MYO9A: variants seen among roughly 807,000 people sequenced by gnomAD.
MYO9A encodes myosin IXA.
MYO9A carries 103 observed loss-of-function variants against 293.3 expected under a neutral mutation model. The observed-to-expected ratio is 0.35, with a 90% CI of 0.30 to 0.41. The LOEUF is 0.41. MYO9A is among the 10% of genes least tolerant of loss of function. The pLI is 1.00. For missense variants in MYO9A, 2,685 were observed against 3,033.0 expected, an observed-to-expected ratio of 0.89 and a Z score of 2.69; for synonymous variants, 1,001 against 1,035.7, an observed-to-expected ratio of 0.97 and a Z score of 0.64.
chr15:72,013,496 A>G (rs1289651827), intron 6 of MYO9A, among the ~76,000 whole-genome samples: 1 of 152,226 alleles, frequency 6.6e-6, no homozygotes, highest in African/African-American at 2.4e-5. Context: ...AACAACTGTT[A>G]CAACCCCTTC....
chr15:72,074,832 A>T (rs2079295965), intron 1 of MYO9A, among the ~76,000 whole-genome samples: 4 of 152,168 alleles, frequency 2.6e-5, no homozygotes. Context: ...GTTGCAGCTC[A>T]GCCCAGACAT....
chr15:71,918,364 T>C (rs1255606150), intron 18 of MYO9A, among the ~76,000 whole-genome samples: 1 of 152,170 alleles, frequency 6.6e-6, no homozygotes, highest in Non-Finnish European at 1.5e-5. Context: ...TGAAAAATTA[T>C]AGATATGCAA....
At chr15:71,971,246 G>A (rs934659243) in intron 12 of MYO9A, among the ~76,000 whole-genome samples, 1 of 151,950 alleles carries the variant, frequency 6.6e-6, no homozygotes, top group Non-Finnish European at 1.5e-5. Context: ...GGAAATTATA[G>A]TCTTTGTATA....
intron 1 of MYO9A, among the ~76,000 whole-genome samples, chr15:72,090,974 C>CA (rs958867319): frequency 3.4e-4 from 49 of 142,958 alleles, no homozygotes; most frequent in East Asian, 1.2e-3. Context: ...ACAGCTTCAG[C>CA]AAAAAAAAAA....
intron 32 of MYO9A, among the ~76,000 whole-genome samples, chr15:71,873,334 A>C (rs575294782): frequency 6.6e-6 from 1 of 152,176 alleles, no homozygotes; most frequent in South Asian, 2.1e-4. Flanking sequence ...TTCCCAATCT[A>C]TTTAGGTTGT....
At chr15:72,032,405 G>T in intron 3 of MYO9A, 89 bp downstream of exon 3, 2 of 774,714 alleles carry the variant, frequency 2.6e-6, no homozygotes, top group Non-Finnish European at 3.8e-6. Context: ...ACCAATGTCT[G>T]GGAATGAACA....
At chr15:72,116,499 A>G (rs2080983548) in intron 1 of MYO9A, among the ~76,000 whole-genome samples, 1 of 152,194 alleles carries the variant, frequency 6.6e-6, no homozygotes, top group Non-Finnish European at 1.5e-5. Flanking sequence ...TGATTTCTGT[A>G]CTTGCTTCTT....
chr15:71,842,891 T>C (rs2055221000), intron 39 of MYO9A, among the ~76,000 whole-genome samples: 1 of 149,368 alleles, frequency 6.7e-6, no homozygotes, highest in Non-Finnish European at 1.5e-5. Context: ...TATGCAATTT[T>C]TATTAGCTTT....
chr15:72,039,078 A>G (rs1252288223), intron 2 of MYO9A, among the ~76,000 whole-genome samples: 1 of 152,122 alleles, frequency 6.6e-6, no homozygotes, highest in Non-Finnish European at 1.5e-5. Context: ...CCAAAGATAG[A>G]GACTTTTAGA....
intron 15 of MYO9A, among the ~76,000 whole-genome samples, chr15:71,944,366 A>T (rs2058856469): frequency 6.6e-6 from 1 of 152,046 alleles, no homozygotes. Flanking sequence ...CAATTTGTTA[A>T]TTTTTTCCTT....
chr15:71,833,211 T>C (rs2054799538), intron 39 of MYO9A, among the ~76,000 whole-genome samples: 1 of 149,940 alleles, frequency 6.7e-6, no homozygotes, highest in South Asian at 2.1e-4. Context: ...TGTTGGGCCA[T>C]ATAAAAAAAA....
intron 39 of MYO9A, among the ~76,000 whole-genome samples, chr15:71,847,986 G>A (rs1218956182): frequency 6.6e-6 from 1 of 152,068 alleles, no homozygotes; most frequent in Non-Finnish European, 1.5e-5. Context: ...AGTACTGCTG[G>A]ACCCCTGAAA....
chr15:72,046,033 G>T lies in MYO9A; in HGVS notation c.531C>A (p.Thr177=), dbSNP rs138348484. 35 of 1,613,242 alleles carry T rather than the reference G, an allele frequency of 2.2e-5. No homozygotes were observed. The highest frequency in any genetic ancestry group is 2.7e-5 in the Non-Finnish European group (32 of 1,179,786). Residue 177 remains threonine (T), a synonymous_variant, in exon 2 of 42, where the codon ACC becomes ACA. Transcript: ENST00000356056. ...TAACTATTAGAATACTGCCAACATA[G>T]GTATAAATTTTTTCATGCTTAAAGC... ...RNRFKHEKIY[T]YVGSILIVIN...
chr15:71,897,483 T>C lies in MYO9A; in HGVS notation c.5020A>G (p.Lys1674Glu), dbSNP rs772810761. The change falls in exon 25 of 42, where the codon AAG becomes GAG. Residue 1674 changes from lysine (K) to glutamate (E), a missense_variant. Physicochemically the swap from Lys to Glu is moderately conservative, Grantham distance 56. Around this residue, in one of 10 missense-constraint regions of MYO9A, gnomAD observed 1,434 missense variants for 1,497.7 expected, o/e 0.96. Coordinates refer to ENST00000356056, the MANE Select transcript of MYO9A (RefSeq NM_006901.4). Reference protein sequence around the residue: ...GNARPIFFTPKDNMSIPLVSK... With the variant: ...GNARPIFFTPEDNMSIPLVSK... ...TACAGGGGAATACTCATATTGTCCTTTGGAGTGAAGAAAATGGGCCTAGCA... is the reference window on the plus strand; with the variant it reads ...TACAGGGGAATACTCATATTGTCCTCTGGAGTGAAGAAAATGGGCCTAGCA... 1.2e-6 allele frequency: 2 copies of C among 1,613,060 alleles called. No individual in the cohort carries two copies. Among genetic ancestry groups the C allele is most frequent in the Admixed American group, 3.3e-5 (2 of 59,950 alleles).
intron 1 of MYO9A, among the ~76,000 whole-genome samples, chr15:72,107,586 T>C (rs924430441): frequency 6.6e-6 from 1 of 151,698 alleles, no homozygotes; most frequent in Non-Finnish European, 1.5e-5. Context: ...TAAATAAATA[T>C]ATAAATAAAT....
At chr15:71,929,640 C>G (rs1329291202) in intron 18 of MYO9A, among the ~76,000 whole-genome samples, 1 of 152,216 alleles carries the variant, frequency 6.6e-6, no homozygotes, top group African/African-American at 2.4e-5. Context: ...TAAACCCCAA[C>G]TGATCATGGT....
rs763484755 is a variant in MYO9A, at chr15:71,898,305, C to T, written c.4198G>A (p.Glu1400Lys). 6.2e-7 allele frequency: 1 copy of T among 1,613,898 alleles called. No homozygotes were observed. Among genetic ancestry groups the T allele is most frequent in the Non-Finnish European group, 8.5e-7 (1 of 1,180,036 alleles). Reference protein sequence around the residue: ...TMKEMVVCSSESITCKPQLKD... With the variant: ...TMKEMVVCSSKSITCKPQLKD... ...AGCTGTGGTTTACAGGTAATAGACT[C>T]AGAACTGCAGACCACCATTTCCTTC... is the stretch of plus-strand genomic sequence containing the variant. Residue 1400 changes from glutamate to lysine, a missense_variant, in exon 25 of 42, where the codon GAG becomes AAG. By Grantham distance (56) the Glu-to-Lys change is moderately conservative (BLOSUM62 1). This residue lies in a region of MYO9A where 1,434 missense variants were observed against 1,497.7 expected (regional missense o/e 0.96). Coordinates refer to ENST00000356056, the MANE Select transcript of MYO9A (RefSeq NM_006901.4).
chr15:72,040,709 CAACAATA>C (rs1253172845), intron 2 of MYO9A, among the ~76,000 whole-genome samples: 2 of 151,952 alleles, frequency 1.3e-5, no homozygotes, highest in East Asian at 3.8e-4. Context: ...GTATTTTCTA[CAACAATA>C]TTTTATACAT....
At chr15:72,088,320 G>A (rs2079806492) in intron 1 of MYO9A, among the ~76,000 whole-genome samples, 1 of 152,148 alleles carries the variant, frequency 6.6e-6, no homozygotes, top group Non-Finnish European at 1.5e-5. Context: ...CTAGTTTTCT[G>A]TCATTGCCCA....
Sources: gnomAD v4.1 joint callset for allele counts (sites outside exome capture counted in the v4.1 genomes callset) on GRCh38, gnomAD v4.1.1 for gene constraint, gnomAD v4.1.1 regional missense constraint, MANE v1.5 for transcripts, NCBI Gene and HGNC (gene_info 2026-07-23, HGNC 2026-07-21) for gene names.